The following NPHS1 variants were observed in gnomAD, a reference collection of about 807,000 sequenced individuals.
NPHS1 encodes the protein nephrin.
In NPHS1, 107 loss-of-function variants were observed where a neutral mutation model predicts 139.7. The observed-to-expected ratio is 0.77, with a 90% CI of 0.66 to 0.90. The LOEUF (loss-of-function observed/expected upper bound fraction) is 0.90, where lower values mean the gene tolerates loss of function less well. Ranked by LOEUF, NPHS1 falls within the 40% of genes least tolerant of loss-of-function variation. The pLI, the probability that NPHS1 is intolerant of heterozygous loss-of-function variation, is 0.00. For synonymous variants in NPHS1, 707 were observed against 706.6 expected (o/e 1.00, Z -0.01); for missense variants, 1,580 against 1,654.2 (o/e 0.96, Z 0.78).
rs943625318 is a variant in NPHS1 at position 35,849,334 on chromosome 19, G to A, written c.742C>T (p.Pro248Ser). ...FPPGPPVIEW[P>S]GLDEGHVRAG... Reference sequence around the variant, plus strand: ...CGCACGTGCCCCTCATCCAGGCCTGGCCACTCGATGACAGGGGGTCCTGGA... The same window carrying A: ...CGCACGTGCCCCTCATCCAGGCCTGACCACTCGATGACAGGGGGTCCTGGA... The change falls in exon 7 of 29, where the codon CCA (proline) becomes TCA (serine). Residue 248 changes from proline to serine, a missense_variant. By Grantham distance (74) the Pro-to-Ser change is moderately conservative. Coordinates refer to ENST00000378910, the MANE Select transcript of NPHS1 (RefSeq NM_004646.4). 6.2e-7 allele frequency: 1 copy of A among 1,612,674 alleles called. No homozygotes were observed. Among genetic ancestry groups the A allele is most frequent in the Non-Finnish European group, 8.5e-7 (1 of 1,179,938 alleles).
At chr19:35,843,136 C>T (rs1308515091) in intron 17 of NPHS1, among the ~76,000 whole-genome samples, 3 of 152,066 alleles carry the variant, frequency 2.0e-5, no homozygotes, top group African/African-American at 7.2e-5. Flanking sequence ...GATTTTTCTC[C>T]TTCAATCATC....
rs761152159 is a variant in NPHS1 at position 35,851,489 on chromosome 19, G to C, written c.242C>G (p.Pro81Arg). The change falls in exon 2 of 29, where the codon CCG becomes CGG. Residue 81 changes from proline (P) to arginine (R), a missense_variant. Coordinates refer to ENST00000378910, the MANE Select transcript of NPHS1 (RefSeq NM_004646.4). Reference protein sequence around the residue: ...LGPDPRIPGFPRYRLEGDPAR... With the variant: ...LGPDPRIPGFRRYRLEGDPAR... ...AGGGTCCCCTTCCAGGCGGTACCTC[G>C]GGAAGCCTGGGATCCTGGGGTCGGG... 2 of 1,613,478 alleles carry C rather than the reference G, an allele frequency of 1.2e-6. No homozygotes were observed. Among genetic ancestry groups the C allele is most frequent in the East Asian group, 2.2e-5 (1 of 44,888 alleles).
intron 22 of NPHS1, among the ~76,000 whole-genome samples, chr19:35,837,199 A>G (rs962210927): frequency 2.5e-4 from 38 of 152,176 alleles, no homozygotes; most frequent in Admixed American, 2.5e-3. Context: ...CAGGCTCTGA[A>G]GGATTTACCA....
At chr19:35,842,919 C>A (rs535095636) in intron 17 of NPHS1, among the ~76,000 whole-genome samples, 1 of 152,238 alleles carries the variant, frequency 6.6e-6, no homozygotes, top group East Asian at 1.9e-4. Flanking sequence ...GTATCCACCC[C>A]TGTAGCTCTC....
At chr19:35,842,067 T>G in intron 19 of NPHS1, 57 bp downstream of exon 19, 4 of 1,560,566 alleles carry the variant, frequency 2.6e-6, no homozygotes, top group Non-Finnish European at 3.5e-6. Flanking sequence ...GGAGGGGAAG[T>G]GGGGCTGGAG....
chr19:35,840,545 A>G (rs1973040080), intron 20 of NPHS1, among the ~76,000 whole-genome samples: 2 of 150,316 alleles, frequency 1.3e-5, no homozygotes, highest in Admixed American at 1.3e-4. Flanking sequence ...TATGTTAGCC[A>G]GGATGGTCTC....
At chr19:35,830,364 G>A (rs1972860060) in intron 28 of NPHS1, among the ~76,000 whole-genome samples, 1 of 152,148 alleles carries the variant, frequency 6.6e-6, no homozygotes, top group Non-Finnish European at 1.5e-5. Flanking sequence ...ATGTAGACTC[G>A]GTTGACTTGA....
At chr19:35,834,063 G>A (rs566886482) in intron 23 of NPHS1, among the ~76,000 whole-genome samples, 7 of 144,908 alleles carry the variant, frequency 4.8e-5, no homozygotes, top group African/African-American at 2.0e-4. Context: ...CCTTTTTCTC[G>A]GGCTCTGAAG....
chr19:35,843,987 G>C (rs1973097204), intron 16 of NPHS1, 116 bp downstream of exon 16: 2 of 1,420,944 alleles, frequency 1.4e-6, no homozygotes, highest in Non-Finnish European at 1.9e-6. Context: ...TTCCAGAACG[G>C]GAGGGTTCCA....
rs377254891 is a variant in NPHS1 at position 35,850,340 on chromosome 19, G to A, written c.608+24C>T. ...ATGGGGAAAATTAGGGGTCAAGGTT[G>A]GGGGGTTGTTTCAGTTTCCACACCT... On this transcript the variant is annotated intron_variant, in intron 5 of 28. Transcript: ENST00000378910. The A allele has an allele frequency of 4.4e-6, 7 of 1,595,974 alleles. 1 individual carries two copies. In the South Asian group the frequency reaches 5.5e-5, roughly 13 times the overall value.
In NPHS1 at chr19:35,825,538, T is replaced by C. The variant is rs576656652; in HGVS notation, c.*976A>G. Among the ~76,000 whole-genome samples the C allele has an allele frequency of 8.5e-5, 13 of 152,244 alleles. No homozygotes were observed. The East Asian group carries it at 2.3e-3, about 27-fold the overall frequency. On this transcript the variant is annotated 3_prime_UTR_variant, in exon 29 of 29. Transcript: ENST00000378910. ...ACACCTCAGAAAGTTCTCCCATGCC[T>C]TTTTGCAGTCAACCCTCCTCTCATG...
chr19:35,836,456 G>A (rs141325529), intron 22 of NPHS1, among the ~76,000 whole-genome samples: 97 of 152,112 alleles, frequency 6.4e-4, no homozygotes, highest in African/African-American at 2.3e-3. Flanking sequence ...CTTTCGGTGT[G>A]CAAGGTCCTT....
intron 22 of NPHS1, among the ~76,000 whole-genome samples, chr19:35,838,030 T>A (rs926555966): frequency 6.8e-6 from 1 of 147,766 alleles, no homozygotes; most frequent in Non-Finnish European, 1.5e-5. Context: ...AGCTGGTGGA[T>A]CACCTGAGGT....
chr19:35,826,300 T>G lies in NPHS1; in HGVS notation c.*214A>C. On this transcript the variant is annotated 3_prime_UTR_variant, in exon 29 of 29. Transcript: ENST00000378910. ...ATCTGCCCTGTCCTTTTGGAGAAGT[T>G]TAGTTTCTAAAGCCAACCCCAGGAT... 13 of 570,756 alleles carry G rather than the reference T, an allele frequency of 2.3e-5. No individual in the cohort carries two copies. The highest frequency in any genetic ancestry group is 3.0e-5 in the East Asian group (1 of 32,928). The allele number at this position is 570,756 out of a possible 1,614,324, so 35.4% of individuals were successfully genotyped here. A position where few individuals can be genotyped will look rare whatever the true frequency, so the allele number is the denominator to read the frequency against.
At chr19:35,838,131 C>T (rs774625774) in intron 22 of NPHS1, among the ~76,000 whole-genome samples, 1 of 151,428 alleles carries the variant, frequency 6.6e-6, no homozygotes, top group Non-Finnish European at 1.5e-5. Context: ...GTAATCCCAG[C>T]TACTTGGGAG....
At chr19:35,850,822 C>T in intron 4 of NPHS1, 139 bp downstream of exon 4, 7 of 1,171,620 alleles carry the variant, frequency 6.0e-6, no homozygotes, top group Non-Finnish European at 8.5e-6. Flanking sequence ...TCAGCATCTC[C>T]CCACACCTTC....
chr19:35,829,331 G>A (rs1972842865), intron 28 of NPHS1, among the ~76,000 whole-genome samples: 1 of 152,204 alleles, frequency 6.6e-6, no homozygotes, highest in African/African-American at 2.4e-5. Context: ...CTCTTTCTTT[G>A]AAGATTTCTA....
Position 35,837,026 on chromosome 19 carries a change from A to AAAAGAAAAG in NPHS1, c.3110-1266_3110-1265insCTTTTCTTT, listed in dbSNP as rs1555761159. Among the ~76,000 whole-genome samples, 859 of 131,880 alleles carry AAAAGAAAAG rather than the reference A, an allele frequency of 6.5e-3. 18 individuals are homozygous for AAAAGAAAAG. Among genetic ancestry groups the AAAAGAAAAG allele is most frequent in the African/African-American group, 0.024 (831 of 34,880 alleles). The allele number at this position is 131,880 out of a possible 152,430, so 86.5% of individuals were successfully genotyped here. A position where few individuals can be genotyped will look rare whatever the true frequency, so the allele number is the denominator to read the frequency against. Reference sequence around the variant, plus strand: ...AAAAAAAAAAGAAAGAAAAGAAAAGAAAAGAAAGAAAGAAAGAAAGAAAGA... The same window carrying AAAAGAAAAG: ...AAAAAAAAAAGAAAGAAAAGAAAAGAAAAGAAAAGAAAGAAAGAAAGAAAGAAAGAAAGA... On this transcript the variant is annotated intron_variant, in intron 22 of 28. Transcript: ENST00000378910.
chr19:35,835,802 T>A, intron 22 of NPHS1, 41 bp from the exon 23 acceptor site: 1 of 1,553,022 alleles, frequency 6.4e-7, no homozygotes, highest in South Asian at 1.1e-5. Context: ...ACACTAAGAA[T>A]CTGAGATAAG....
Sources: allele counts gnomAD v4.1 joint callset (sites outside exome capture counted in the v4.1 genomes callset), GRCh38; gene constraint gnomAD v4.1.1; transcripts MANE v1.5; gene names NCBI Gene and HGNC (gene_info 2026-07-23, HGNC 2026-07-21).